Variants in GALNT13 observed in about 807,000 individuals in gnomAD.
GALNT13 encodes the protein polypeptide N-acetylgalactosaminyltransferase 13.
A neutral mutation model predicts 64.2 loss-of-function variants in GALNT13; 28 were observed. That is an observed-to-expected ratio of 0.44 (90% CI 0.32 to 0.60). GALNT13 has a LOEUF of 0.60. GALNT13 is among the 20% of genes least tolerant of loss of function. The pLI is 0.05. For missense variants in GALNT13, 577 were observed against 669.8 expected (o/e 0.86, Z 1.53); for synonymous variants, 214 against 224.6 (o/e 0.95, Z 0.42).
chr2:153,523,043 A>ATTTTTTTTTTTTTTTT, the GALNT13 span, among the ~76,000 whole-genome samples: 2 of 83,404 alleles, frequency 2.4e-5, 1 homozygote, highest in African/African-American at 9.8e-5. Flanking sequence ...TGTGTTTACT[A>ATTTTTTTTTTTTTTTT]TTTTTTTTTT....
Position 154,140,500 on chromosome 2 carries a change from A to G in GALNT13, c.306A>G (p.Leu102=), listed in dbSNP as rs1282450810. 6.2e-6 allele frequency: 10 copies of G among 1,603,114 alleles called. No individual in the cohort carries two copies. The highest frequency in any genetic ancestry group is 8.5e-6 in the Non-Finnish European group (10 of 1,172,546). The change falls in exon 4 of 13, where the codon TTA becomes TTG. Residue 102 remains leucine, a synonymous_variant. Transcript: ENST00000392825. ...ALNRSLPDVR[L]EGCKTKVYPD... ...ATAGAAGTCTGCCAGATGTAAGATT[A>G]GAAGGGTAAGTTTGCATTTGTTATA...
the GALNT13 span, among the ~76,000 whole-genome samples, chr2:153,402,952 T>C: frequency 1.3e-5 from 2 of 152,146 alleles, no homozygotes; most frequent in African/African-American, 4.8e-5. Flanking sequence ...TCCATCCAGC[T>C]TTGTTCCGTT....
the GALNT13 span, among the ~76,000 whole-genome samples, chr2:153,312,622 C>T: frequency 1.3e-5 from 2 of 152,168 alleles, no homozygotes; most frequent in African/African-American, 4.8e-5. Flanking sequence ...AAAGTGGCAG[C>T]ATCAAATCTA....
the GALNT13 span, among the ~76,000 whole-genome samples, chr2:153,322,209 T>C: frequency 6.6e-6 from 1 of 152,152 alleles, no homozygotes; most frequent in Admixed American, 6.6e-5. Flanking sequence ...TTGCCAACTT[T>C]GTGTCCATGA....
chr2:153,168,066 T>C, the GALNT13 span, among the ~76,000 whole-genome samples: 1 of 152,196 alleles, frequency 6.6e-6, no homozygotes, highest in African/African-American at 2.4e-5. Flanking sequence ...TTTAGGTTCC[T>C]AGCATTTCTC....
At chr2:154,314,723 T>A (rs1694236609) in intron 9 of GALNT13, among the ~76,000 whole-genome samples, 1 of 152,034 alleles carries the variant, frequency 6.6e-6, no homozygotes, top group Non-Finnish European at 1.5e-5. Flanking sequence ...ACTAATTGAG[T>A]GAGAACTCAG....
chr2:153,308,974 G>T, the GALNT13 span, among the ~76,000 whole-genome samples: 1 of 152,032 alleles, frequency 6.6e-6, no homozygotes, highest in Non-Finnish European at 1.5e-5. Context: ...TTGAGGCTTT[G>T]TCCATAGCAG....
intron 3 of GALNT13, among the ~76,000 whole-genome samples, chr2:154,063,052 CTTT>C (rs930553814): frequency 1.3e-5 from 2 of 151,778 alleles, no homozygotes; most frequent in African/African-American, 2.4e-5. Context: ...TTATTTATTT[CTTT>C]ATTTTTTACA....
At chr2:154,205,845 T>C (rs1687414688) in intron 4 of GALNT13, among the ~76,000 whole-genome samples, 1 of 152,194 alleles carries the variant, frequency 6.6e-6, no homozygotes, top group East Asian at 1.9e-4. Flanking sequence ...TTTTTAATTT[T>C]GGAATAGGTC....
the GALNT13 span, among the ~76,000 whole-genome samples, chr2:153,419,210 A>C: frequency 1.3e-5 from 2 of 152,198 alleles, no homozygotes; most frequent in African/African-American, 4.8e-5. Context: ...TGGTGGCAGC[A>C]ACAAGTGCCG....
the GALNT13 span, among the ~76,000 whole-genome samples, chr2:153,101,971 A>G: frequency 6.6e-6 from 1 of 152,268 alleles, no homozygotes; most frequent in Admixed American, 6.5e-5. Flanking sequence ...CAACATATAG[A>G]TAATGCATAG....
chr2:153,961,980 A>T (rs1460872660), intron 3 of GALNT13, among the ~76,000 whole-genome samples: 1 of 152,180 alleles, frequency 6.6e-6, no homozygotes, highest in Admixed American at 6.5e-5. Context: ...ATGCATGATA[A>T]GTTTGGTACC....
At chr2:153,433,030 A>G in the GALNT13 span, among the ~76,000 whole-genome samples, 1 of 152,092 alleles carries the variant, frequency 6.6e-6, no homozygotes, top group African/African-American at 2.4e-5. Flanking sequence ...AGACACTCCA[A>G]GCATTTGGAG....
chr2:154,222,646 T>C (rs2058985), intron 4 of GALNT13, among the ~76,000 whole-genome samples: 6,395 of 152,184 alleles, frequency 0.042, 189 homozygotes, highest in Non-Finnish European at 0.059. Context: ...AGGTCAGTGA[T>C]TGGAGAATTC....
chr2:153,561,923 A>G, the GALNT13 span, among the ~76,000 whole-genome samples: 1 of 152,140 alleles, frequency 6.6e-6, no homozygotes, highest in African/African-American at 2.4e-5. Context: ...AATCAAACAT[A>G]CAGAATAATA....
intron 3 of GALNT13, among the ~76,000 whole-genome samples, chr2:154,135,361 T>A (rs578124419): frequency 1.3e-5 from 2 of 152,330 alleles, no homozygotes; most frequent in Middle Eastern, 3.4e-3. Flanking sequence ...ATCTAATAGA[T>A]GACACCTTTC....
At chr2:153,182,645 C>G in the GALNT13 span, among the ~76,000 whole-genome samples, 4 of 152,074 alleles carry the variant, frequency 2.6e-5, no homozygotes, top group African/African-American at 9.7e-5. Context: ...TGTGTTGCTT[C>G]GCACCATCTG....
intron 8 of GALNT13, among the ~76,000 whole-genome samples, chr2:154,262,433 C>T (rs950246067): frequency 6.6e-6 from 1 of 152,162 alleles, no homozygotes; most frequent in Admixed American, 6.5e-5. Flanking sequence ...GCTATAGCCT[C>T]TAATGGAAGA....
the GALNT13 span, among the ~76,000 whole-genome samples, chr2:153,692,555 T>C: frequency 6.6e-6 from 1 of 152,220 alleles, no homozygotes; most frequent in Non-Finnish European, 1.5e-5. Context: ...GTTTCTTTAG[T>C]TGGAATAAAT....
Sources: allele counts gnomAD v4.1 joint callset (sites outside exome capture counted in the v4.1 genomes callset), GRCh38; gene constraint gnomAD v4.1.1; transcripts MANE v1.5; gene names NCBI Gene and HGNC (gene_info 2026-07-23, HGNC 2026-07-21).